AUTS2: variants seen among roughly 807,000 people sequenced by gnomAD.
AUTS2 encodes the protein activator of transcription and developmental regulator AUTS2.
AUTS2 carries 17 observed loss-of-function variants against 112.4 expected under a neutral mutation model. The ratio of observed to expected loss-of-function variants is 0.15; its 90% CI spans 0.10 to 0.23. The LOEUF (loss-of-function observed/expected upper bound fraction) is 0.23. Ranked by LOEUF, AUTS2 falls within the 10% of genes least tolerant of loss-of-function variation. AUTS2 has a pLI of 1.00. For synonymous variants in AUTS2, 751 were observed against 702.7 expected (o/e 1.07, Z -1.09); for missense variants, 1,510 against 1,701.6 (o/e 0.89, Z 1.98).
intron 5 of AUTS2, among the ~76,000 whole-genome samples, chr7:70,547,364 C>T (rs1053557374): frequency 1.3e-5 from 2 of 152,188 alleles, no homozygotes; most frequent in African/African-American, 4.8e-5. Context: ...AAGCGATTCT[C>T]CTGTTTCAGC....
chr7:70,734,344 G>T (rs1421213656), intron 6 of AUTS2, among the ~76,000 whole-genome samples: 1 of 152,044 alleles, frequency 6.6e-6, no homozygotes, highest in Admixed American at 6.5e-5. Flanking sequence ...GGGGGCTGAG[G>T]CAGGAGAATG....
At chr7:69,777,826 T>TG (rs1788961522) in intron 1 of AUTS2, among the ~76,000 whole-genome samples, 3 of 152,196 alleles carry the variant, frequency 2.0e-5, no homozygotes, top group African/African-American at 7.2e-5. Context: ...AGCTGAACAA[T>TG]GTGAGGTGGG....
chr7:69,934,031 T>C (rs897185811), intron 2 of AUTS2, among the ~76,000 whole-genome samples: 1 of 152,210 alleles, frequency 6.6e-6, no homozygotes, highest in Non-Finnish European at 1.5e-5. Context: ...AGTTTAGAGA[T>C]TTATTATTTT....
Position 70,198,304 on chromosome 7 carries a change from G to A in AUTS2, c.660+63733G>A, listed in dbSNP as rs1268017393. On this transcript the variant is annotated intron_variant, in intron 4 of 18. Transcript: ENST00000342771. ...AGCGCCTCTCCTCCTCCAAAGGAAC[G>A]CAGTTCCTCACCAGCAACAGAACAA... Among the ~76,000 whole-genome samples the A allele has an allele frequency of 1.0e-4, 15 of 150,014 alleles. 1 individual carries two copies. In the South Asian group the frequency reaches 2.7e-3, roughly 27 times the overall value.
intron 6 of AUTS2, among the ~76,000 whole-genome samples, chr7:70,746,142 TTTG>T (rs34427547): frequency 2.6e-4 from 39 of 152,146 alleles, no homozygotes; most frequent in African/African-American, 5.3e-4. Flanking sequence ...AGTAAGGTTT[TTTG>T]TTGTTGTTGT....
intron 4 of AUTS2, among the ~76,000 whole-genome samples, chr7:70,208,490 G>A (rs988250054): frequency 6.6e-6 from 1 of 152,058 alleles, no homozygotes; most frequent in Non-Finnish European, 1.5e-5. Flanking sequence ...GCAAATTTGG[G>A]TTAGCTAAAA....
At chr7:70,322,141 A>G (rs752138368) in intron 4 of AUTS2, among the ~76,000 whole-genome samples, 1 of 152,162 alleles carries the variant, frequency 6.6e-6, no homozygotes, top group Non-Finnish European at 1.5e-5. Flanking sequence ...CTTTATTTGT[A>G]TAAACTCTGC....
intron 4 of AUTS2, among the ~76,000 whole-genome samples, chr7:70,396,245 A>C (rs1794075448): frequency 6.6e-6 from 1 of 152,294 alleles, no homozygotes; most frequent in African/African-American, 2.4e-5. Context: ...CATATACAAA[A>C]AAACAACTGC....
At chr7:70,074,386 C>T (rs990753988) in intron 2 of AUTS2, among the ~76,000 whole-genome samples, 2 of 152,120 alleles carry the variant, frequency 1.3e-5, no homozygotes, top group Non-Finnish European at 2.9e-5. Flanking sequence ...CTGGATCCCA[C>T]GTAACTGCTT....
At chr7:70,480,114 T>C (rs1316897850) in intron 5 of AUTS2, among the ~76,000 whole-genome samples, 1 of 152,196 alleles carries the variant, frequency 6.6e-6, no homozygotes, top group Non-Finnish European at 1.5e-5. Flanking sequence ...CAGATCTCGC[T>C]CTCACTGTGG....
chr7:69,609,357 G>A (rs536649908), intron 1 of AUTS2, among the ~76,000 whole-genome samples: 2 of 152,284 alleles, frequency 1.3e-5, no homozygotes, highest in South Asian at 4.1e-4. Flanking sequence ...TTTAAAAAGC[G>A]TTGTTCTCTC....
At chr7:70,284,931 C>T (rs753218697) in intron 4 of AUTS2, among the ~76,000 whole-genome samples, 53 of 152,190 alleles carry the variant, frequency 3.5e-4, no homozygotes, top group Non-Finnish European at 3.4e-4. Context: ...AGGGATTTGA[C>T]AGAGAGGTCA....
intron 4 of AUTS2, among the ~76,000 whole-genome samples, chr7:70,328,835 T>C (rs984388128): frequency 6.6e-6 from 1 of 152,222 alleles, no homozygotes; most frequent in Admixed American, 6.5e-5. Flanking sequence ...AACAGTTCAG[T>C]AGGATTTAGT....
intron 2 of AUTS2, among the ~76,000 whole-genome samples, chr7:69,935,321 C>T (rs114800323): frequency 5.9e-5 from 9 of 152,230 alleles, no homozygotes; most frequent in African/African-American, 2.2e-4. Flanking sequence ...TTGAAATGAG[C>T]TTGGTGAACC....
intron 1 of AUTS2, among the ~76,000 whole-genome samples, chr7:69,817,975 A>G (rs903675589): frequency 2.0e-5 from 3 of 152,220 alleles, no homozygotes; most frequent in African/African-American, 7.2e-5. Context: ...GTGAGCTGCA[A>G]CCTAGCTGCA....
At chr7:70,315,608 C>A (rs974963521) in intron 4 of AUTS2, among the ~76,000 whole-genome samples, 1 of 152,186 alleles carries the variant, frequency 6.6e-6, no homozygotes, top group Non-Finnish European at 1.5e-5. Context: ...CTGCCAGACA[C>A]CTTTCTCAAA....
rs1284884176 is a variant in AUTS2 at position 70,722,739 on chromosome 7, G to A, written c.742+24119G>A. Among the ~76,000 whole-genome samples the A allele has an allele frequency of 2.6e-5, 4 of 152,118 alleles. No homozygotes were observed. In the East Asian group the frequency reaches 5.8e-4, roughly 22 times the overall value. On this transcript the variant is annotated intron_variant, in intron 6 of 18. Transcript: ENST00000342771. ...CACAATGATTCTTAAGAATTTTTAC[G>A]TGAATCCCTCTAATAAATGTTAGAA...
rs539482014 is a variant in AUTS2, at chr7:69,942,983, G to A, written c.522+43485G>A. Among the ~76,000 whole-genome samples, 299 of 152,198 alleles carry A rather than the reference G, an allele frequency of 2.0e-3. 1 individual carries two copies. The highest frequency in any genetic ancestry group is 3.6e-3 in the Non-Finnish European group (242 of 68,002). ...ATCTTTAAATTCCAGTCTTTAAATC[G>A]GGACCATATGTGTGTTCTTTCCCTA... is the stretch of plus-strand genomic sequence containing the variant. On this transcript the variant is annotated intron_variant, in intron 2 of 18. Transcript: ENST00000342771.
intron 2 of AUTS2, among the ~76,000 whole-genome samples, chr7:69,974,914 A>C (rs1797994217): frequency 6.6e-6 from 1 of 152,068 alleles, no homozygotes; most frequent in Non-Finnish European, 1.5e-5. Flanking sequence ...TCATTTTTAC[A>C]AGTTACTGTA....
Sources: allele counts gnomAD v4.1 joint callset (sites outside exome capture counted in the v4.1 genomes callset), GRCh38; gene constraint gnomAD v4.1.1; transcripts MANE v1.5; gene names NCBI Gene and HGNC (gene_info 2026-07-23, HGNC 2026-07-21).